The following APC variants were observed in gnomAD, a reference collection of about 807,000 sequenced individuals.
APC encodes the protein adenomatous polyposis coli protein.
In APC, 72 loss-of-function variants were observed where a neutral mutation model predicts 247.0. The ratio of observed to expected loss-of-function variants is 0.29; its 90% CI spans 0.24 to 0.35. The LOEUF (loss-of-function observed/expected upper bound fraction) is 0.35, where lower values mean the gene tolerates loss of function less well. Ranked by LOEUF, APC falls within the 10% of genes least tolerant of loss-of-function variation. APC has a pLI of 1.00. For missense variants in APC, 3,400 were observed against 3,360.7 expected (o/e 1.01, Z -0.29); for synonymous variants, 1,254 against 1,162.5 (o/e 1.08, Z -1.60).
intron 9 of APC, among the ~76,000 whole-genome samples, chr5:112,818,421 T>G (rs893374655): frequency 6.7e-6 from 1 of 149,808 alleles, no homozygotes; most frequent in South Asian, 2.2e-4. Context: ...TATGACAAAA[T>G]GTTTTTAAAT....
intron 1 of APC, among the ~76,000 whole-genome samples, chr5:112,754,625 A>G (rs896920612): frequency 6.6e-5 from 10 of 152,308 alleles, no homozygotes; most frequent in South Asian, 2.1e-4. Context: ...TGAGAAGGCA[A>G]ATGTATTCAG....
chr5:112,766,278 T>C (rs749660484), intron 2 of APC, 48 bp from the exon 3 acceptor site: 2 of 1,337,152 alleles, frequency 1.5e-6, no homozygotes, highest in Non-Finnish European at 2.2e-6. Flanking sequence ...AATCATGTCT[T>C]GAAGTTATTT....
intron 5 of APC, among the ~76,000 whole-genome samples, chr5:112,780,351 C>T (rs1226977376): frequency 6.6e-6 from 1 of 152,078 alleles, no homozygotes; most frequent in Non-Finnish European, 1.5e-5. Flanking sequence ...ATATGGTAAT[C>T]CTTACCTTAA....
At chr5:112,734,656 C>T (rs917205505), upstream of APC, among the ~76,000 whole-genome samples, 4 of 152,218 alleles carry the variant, frequency 2.6e-5, no homozygotes, top group Admixed American at 1.3e-4. Context: ...GAAAGGAGCA[C>T]TAATTTTAAT....
chr5:112,773,736 G>C (rs1022083411), intron 4 of APC, among the ~76,000 whole-genome samples: 3 of 152,100 alleles, frequency 2.0e-5, no homozygotes, highest in African/African-American at 7.2e-5. Flanking sequence ...CAAGTGTCAA[G>C]TTCAGAAAAT....
rs147757080 is a variant in APC at position 112,843,037 on chromosome 5, T to C, written c.7443T>C (p.Thr2481=). ...CTCCCACTAGGTCCCAGGCACAAAC[T>C]CCAGTTTTAAGTCCTTCCCTTCCTG... ...PASPTRSQAQ[T]PVLSPSLPDM... is the part of the protein sequence containing the mutation. Residue 2481 remains threonine, a synonymous_variant, in exon 16 of 16, where the codon ACT becomes ACC. Coordinates refer to ENST00000257430, the MANE Select transcript of APC (RefSeq NM_000038.6). This position sits in a 1 kb window ranked among gnomAD's most constrained non-coding sequence, Gnocchi z 4.8. The C allele has an allele frequency of 6.2e-7, 1 of 1,613,842 alleles. No individual in the cohort carries two copies. The highest frequency in any genetic ancestry group is 8.5e-7 in the Non-Finnish European group (1 of 1,179,792).
At chr5:112,750,026 G>A (rs1415111826) in intron 1 of APC, among the ~76,000 whole-genome samples, 3 of 143,462 alleles carry the variant, frequency 2.1e-5, no homozygotes, top group Non-Finnish European at 3.0e-5. Flanking sequence ...GCAGTGGCGC[G>A]ATCTCGGCTC....
rs770241997 is a variant in APC, at chr5:112,707,788, C to T, written c.71C>T (p.Ser24Phe). ...TCTGTACCACCCTCAGTTCTCGGGT[C>T]CTGGAGCACCGGCGGCAGCAGGAGC... The change falls in exon 1 of 14, where the codon TCC (serine) becomes TTC (phenylalanine). Residue 24 changes from serine (S) to phenylalanine (F), a missense_variant. Ser to Phe is a radical substitution (Grantham distance 155, BLOSUM62 -2). Transcript: ENST00000507379. 39 of 1,370,544 alleles carry T rather than the reference C, an allele frequency of 2.8e-5. No homozygotes were observed. In the Middle Eastern group the frequency reaches 5.8e-4, roughly 20 times the overall value. The allele number at this position is 1,370,544 out of a possible 1,614,324, so 84.9% of individuals were successfully genotyped here. A position where few individuals can be genotyped will look rare whatever the true frequency, so the allele number is the denominator to read the frequency against.
In APC at chr5:112,839,561, G is replaced by C. The variant is rs1765571035; in HGVS notation, c.3967G>C (p.Val1323Leu). 1 of 1,614,210 alleles carries C rather than the reference G, an allele frequency of 6.2e-7. No individual in the cohort carries two copies. The highest frequency in any genetic ancestry group is 8.5e-7 in the Non-Finnish European group (1 of 1,180,034). ...GTCAGCTGAAGATCCTGTGAGCGAA[G>C]TTCCAGCAGTGTCACAGCACCCTAG... Reference protein sequence around the residue: ...TRSAEDPVSEVPAVSQHPRTK... With the variant: ...TRSAEDPVSELPAVSQHPRTK... The change falls in exon 16 of 16, where the codon GTT (valine) becomes CTT (leucine). Residue 1323 changes from valine (V) to leucine (L), a missense_variant. Coordinates refer to ENST00000257430, the MANE Select transcript of APC (RefSeq NM_000038.6). This position sits in a 1 kb window ranked among gnomAD's most constrained non-coding sequence, Gnocchi z 5.0.
intron 2 of APC, among the ~76,000 whole-genome samples, chr5:112,757,822 T>C (rs1755160630): frequency 6.6e-6 from 1 of 152,222 alleles, no homozygotes; most frequent in Non-Finnish European, 1.5e-5. Flanking sequence ...TGATTATATG[T>C]GTCTTTGTAG....
At chr5:112,711,842 C>A (rs928639733) in intron 1 of APC, among the ~76,000 whole-genome samples, 1 of 152,206 alleles carries the variant, frequency 6.6e-6, no homozygotes, top group African/African-American at 2.4e-5. Flanking sequence ...ATCTGCTGTT[C>A]TCTCAACATT....
Position 112,840,830 on chromosome 5 carries a change from A to G in APC, c.5236A>G (p.Ile1746Val), listed in dbSNP as rs786202076. Residue 1746 changes from isoleucine to valine, a missense_variant, in exon 16 of 16, where the codon ATA becomes GTA. Physicochemically the swap from Ile to Val is conservative, Grantham distance 29. Transcript: ENST00000257430. The surrounding 1 kb of genome is among the most constrained non-coding windows in gnomAD (Gnocchi z 4.1). ...KSHKPFRVKK[I>V]MDQVQQASAS... is the part of the protein sequence containing the mutation. Reference sequence around the variant, plus strand: ...TCACAAGCCTTTCCGTGTGAAAAAGATAATGGACCAGGTCCAGCAAGCATC... The same window carrying G: ...TCACAAGCCTTTCCGTGTGAAAAAGGTAATGGACCAGGTCCAGCAAGCATC... 10 of 1,614,054 alleles carry G rather than the reference A, an allele frequency of 6.2e-6. No homozygotes were observed. Among genetic ancestry groups the G allele is most frequent in the Admixed American group, 1.7e-5 (1 of 59,996 alleles).
chr5:112,733,648 A>T (rs771349111), upstream of APC, among the ~76,000 whole-genome samples: 6 of 152,146 alleles, frequency 3.9e-5, no homozygotes, highest in Non-Finnish European at 8.8e-5. Context: ...GCCTAGTGAG[A>T]CCCATTTTAG....
In APC at chr5:112,838,967, G is replaced by A. The variant is rs1580634693; in HGVS notation, c.3373G>A (p.Val1125Ile). 3 of 1,613,976 alleles carry A rather than the reference G, an allele frequency of 1.9e-6. No individual in the cohort carries two copies. Among genetic ancestry groups the A allele is most frequent in the African/African-American group, 2.7e-5 (2 of 74,900 alleles). The change falls in exon 16 of 16, where the codon GTA becomes ATA. Residue 1125 changes from valine (V) to isoleucine (I), a missense_variant. By Grantham distance (29) the Val-to-Ile change is conservative (BLOSUM62 3). Around this residue, in one of 9 missense-constraint regions of APC, gnomAD observed 715 missense variants for 656.6 expected, o/e 1.09. Coordinates refer to ENST00000257430, the MANE Select transcript of APC (RefSeq NM_000038.6). Reference sequence around the variant, plus strand: ...TTCTAATCATGGAATTAATCAAAATGTAAGCCAGTCTTTGTGTCAAGAAGA... The same window carrying A: ...TTCTAATCATGGAATTAATCAAAATATAAGCCAGTCTTTGTGTCAAGAAGA... The part of the protein sequence containing the change: ...VGSNHGINQN[V>I]SQSLCQEDDY...
chr5:112,727,598 C>CA (rs1197687773), intron 1 of APC, among the ~76,000 whole-genome samples: 1 of 152,050 alleles, frequency 6.6e-6, no homozygotes, highest in African/African-American at 2.4e-5. Context: ...GTGTTATAAA[C>CA]TGATTTATCA....
At chr5:112,762,176 A>G (rs1755745772) in intron 2 of APC, among the ~76,000 whole-genome samples, 1 of 152,250 alleles carries the variant, frequency 6.6e-6, no homozygotes, top group Admixed American at 6.5e-5. Flanking sequence ...AGGGAAATGC[A>G]AAGACTATTT....
chr5:112,836,416 A>G (rs1764955804), intron 15 of APC, among the ~76,000 whole-genome samples: 1 of 152,166 alleles, frequency 6.6e-6, no homozygotes, highest in African/African-American at 2.4e-5. Flanking sequence ...TCTGCTATAC[A>G]GAGAAGATTT....
In APC at chr5:112,845,998, G is replaced by A. The variant is rs1044456672; in HGVS notation, c.*1872G>A. The A allele has an allele frequency of 4.7e-5, 11 of 231,696 alleles. No individual in the cohort carries two copies. Among genetic ancestry groups the A allele is most frequent in the African/African-American group, 6.6e-5 (3 of 45,226 alleles). The allele number at this position is 231,696 out of a possible 1,614,324, so 14.4% of individuals were successfully genotyped here. On this transcript the variant is annotated 3_prime_UTR_variant, in exon 16 of 16. Transcript: ENST00000257430. ...CCTTACCTGTGTTTATAACTTCCAG[G>A]TAATGAGAATGATTTTTTTTAAAGC...
chr5:112,707,911 C>T (rs1177820722), intron 1 of APC: 3 of 1,345,108 alleles, frequency 2.2e-6, no homozygotes, highest in Admixed American at 2.3e-5. Context: ...ATTGACGTCT[C>T]CTCCCGGCAA....
Sources: allele counts gnomAD v4.1 joint callset (sites outside exome capture counted in the v4.1 genomes callset), GRCh38; gene constraint gnomAD v4.1.1; regional missense constraint gnomAD v4.1.1; non-coding constraint Gnocchi (gnomAD v3.1); transcripts MANE v1.5; gene names NCBI Gene and HGNC (gene_info 2026-07-23, HGNC 2026-07-21).